The following FGFR3 variants were observed in gnomAD, a reference collection of about 807,000 sequenced individuals.
FGFR3 encodes fibroblast growth factor receptor 3.
In FGFR3, 25 loss-of-function variants were observed where a neutral mutation model predicts 82.9. The observed-to-expected ratio is 0.30, with a 90% CI of 0.22 to 0.42. The LOEUF is 0.42. Among genes scored for constraint, FGFR3 ranks in the 10% least tolerant of loss-of-function variants. The pLI, the probability that FGFR3 is intolerant of heterozygous loss-of-function variation, is 1.00. For missense variants in FGFR3, 1,026 were observed against 1,161.0 expected, an observed-to-expected ratio of 0.88 and a Z score of 1.69; for synonymous variants, 620 against 516.0, an observed-to-expected ratio of 1.20 and a Z score of -2.73.
At chr4:1,793,552 G>C (rs1050009535) in intron 1 of FGFR3, 87 bp downstream of exon 1, 13 of 149,774 alleles carry the variant, frequency 8.7e-5, no homozygotes, top group Admixed American at 6.6e-4. Flanking sequence ...GAACCACAGA[G>C]GTCCCTGCAG....
In FGFR3 at chr4:1,807,109, C is replaced by G. The variant is rs1263739923; in HGVS notation, c.2275-7C>G. 1.3e-6 allele frequency: 2 copies of G among 1,574,988 alleles called. No homozygotes were observed. The highest frequency in any genetic ancestry group is 2.3e-5 in the South Asian group (2 of 86,400). The stretch of plus-strand genomic sequence containing the variant: ...GGCACAGCGCTCACCCCGCCTCCCG[C>G]CAGCAGGAGTACCTGGACCTGTCGG... On this transcript the variant is annotated splice_polypyrimidine_tract_variant and splice_region_variant and intron_variant, in intron 17 of 17. Coordinates refer to ENST00000440486, the MANE Select transcript of FGFR3 (RefSeq NM_000142.5).
At position 1,799,565 on chromosome 4, in the gene FGFR3, G is replaced by A. The variant is rs1429817623; in HGVS notation, c.379+42G>A. The A allele has an allele frequency of 5.2e-6, 8 of 1,549,496 alleles. No homozygotes were observed. The African/African-American group carries it at 5.5e-5, about 11-fold the overall frequency. Reference sequence around the variant, plus strand: ...CGCCAGCTACAGAAAGGAGCCGAGTGCCGGGCTCCCTGAGTCCCTGCGTGG... The same window carrying A: ...CGCCAGCTACAGAAAGGAGCCGAGTACCGGGCTCCCTGAGTCCCTGCGTGG... On this transcript the variant is annotated intron_variant, in intron 3 of 17. Transcript: ENST00000440486.
chr4:1,804,480 C>T lies in FGFR3; in HGVS notation c.1226C>T (p.Pro409Leu), dbSNP rs1314341121. 3.1e-6 allele frequency: 5 copies of T among 1,613,144 alleles called. No individual in the cohort carries two copies. Among genetic ancestry groups the T allele is most frequent in the Non-Finnish European group, 3.4e-6 (4 of 1,179,938 alleles). ...RSPPKKGLGS[P>L]TVHKISRFPL... is the part of the protein sequence containing the mutation. ...CCCCCCAAGAAAGGCCTGGGCTCCC[C>T]CACCGTGCACAAGATCTCCCGCTTC... is the stretch of plus-strand genomic sequence containing the variant. Residue 409 changes from proline to leucine, a missense_variant, in exon 9 of 18, where the codon CCC (proline) becomes CTC (leucine). Pro to Leu is a moderately conservative substitution (Grantham distance 98, BLOSUM62 -3). Transcript: ENST00000440486.
chr4:1,798,150 C>G (rs1309469514), intron 2 of FGFR3, among the ~76,000 whole-genome samples: 1 of 152,072 alleles, frequency 6.6e-6, no homozygotes, highest in Non-Finnish European at 1.5e-5. Flanking sequence ...GCTTTGGTGG[C>G]TCTGGGGAGC....
intron 4 of FGFR3, 40 bp from the exon 5 acceptor site, chr4:1,801,327 C>G (rs901564865): frequency 3.9e-6 from 6 of 1,540,528 alleles, no homozygotes; most frequent in Non-Finnish European, 5.2e-6. Context: ...GCCTCTGCTC[C>G]CACTCGGGTC....
Position 1,806,179 on chromosome 4 carries a change from C to T in FGFR3, c.1959+6C>T, listed in dbSNP as rs1227316073. The T allele has an allele frequency of 4.3e-6, 7 of 1,612,634 alleles. No homozygotes were observed. The highest frequency in any genetic ancestry group is 1.6e-4 in the Middle Eastern group (1 of 6,062). On this transcript the variant is annotated splice_donor_region_variant and intron_variant, in intron 14 of 17. Coordinates refer to ENST00000440486, the MANE Select transcript of FGFR3 (RefSeq NM_000142.5). ...ACTACAAGAAGACGACCAACGTGAG[C>T]CCGGCCCTGGGGTGCGGGGGTGGGG...
Position 1,807,194 on chromosome 4 carries a change from G to T in FGFR3, c.2353G>T (p.Asp785Tyr), listed in dbSNP as rs768114770. The part of the protein sequence containing the change: ...QDTPSSSSSG[D>Y]DSVFAHDLLP... Reference sequence around the variant, plus strand: ...CACCCCCAGCTCCAGCTCCTCAGGGGACGACTCCGTGTTTGCCCACGACCT... The same window carrying T: ...CACCCCCAGCTCCAGCTCCTCAGGGTACGACTCCGTGTTTGCCCACGACCT... Residue 785 changes from aspartate to tyrosine, a missense_variant, in exon 18 of 18, where the codon GAC becomes TAC. Asp to Tyr is a radical substitution (Grantham distance 160). This residue lies in a region of FGFR3 where 155 missense variants were observed against 150.2 expected (regional missense o/e 1.03). Transcript: ENST00000440486. The T allele has an allele frequency of 2.5e-6, 4 of 1,607,712 alleles. No individual in the cohort carries two copies. The East Asian group carries it at 9.0e-5, about 36-fold the overall frequency.
At position 1,801,475 on chromosome 4, in the gene FGFR3, C is replaced by T; in HGVS notation, c.554C>T (p.Ser185Phe). The change falls in exon 5 of 18, where the codon TCC (serine) becomes TTC (phenylalanine). Residue 185 changes from serine to phenylalanine, a missense_variant. Physicochemically the swap from Ser to Phe is radical, Grantham distance 155. Transcript: ENST00000440486. ...RCPAAGNPTPSISWLKNGREF... is the reference protein window; with the variant it reads ...RCPAAGNPTPFISWLKNGREF... ...CCAGCCGCTGGCAACCCCACTCCCTCCATCTCCTGGCTGAAGAACGGCAGG... is the reference window on the plus strand; with the variant it reads ...CCAGCCGCTGGCAACCCCACTCCCTTCATCTCCTGGCTGAAGAACGGCAGG... 1 of 1,555,930 alleles carries T rather than the reference C, an allele frequency of 6.4e-7. No homozygotes were observed. The highest frequency in any genetic ancestry group is 8.7e-7 in the Non-Finnish European group (1 of 1,150,040).
intron 8 of FGFR3, 24 bp from the exon 9 acceptor site, chr4:1,804,306 G>A (rs202013904): frequency 1.9e-6 from 3 of 1,576,780 alleles, no homozygotes; most frequent in South Asian, 1.2e-5. Context: ...GCCAGGCCAG[G>A]CCTCAACGCC....
intron 7 of FGFR3, among the ~76,000 whole-genome samples, chr4:1,803,384 G>GCCTGTGTGTC (rs1721449423): frequency 6.6e-6 from 1 of 152,196 alleles, no homozygotes; most frequent in African/African-American, 2.4e-5. Flanking sequence ...CGCTTCCGCA[G>GCCTGTGTGTC]CCTGTGTGTC....
intron 4 of FGFR3, 138 bp downstream of exon 4, chr4:1,799,950 A>G: frequency 1.1e-6 from 1 of 904,846 alleles, no homozygotes; most frequent in Non-Finnish European, 1.7e-6. Flanking sequence ...TGGTCCCCTC[A>G]GGATACAGGA....
chr4:1,794,097 T>G (rs1183028034), intron 2 of FGFR3, 54 bp downstream of exon 2: 1 of 1,121,950 alleles, frequency 8.9e-7, no homozygotes, highest in East Asian at 3.3e-5. Context: ...GGCAGAGGCG[T>G]TGGGGACGGG....
chr4:1,793,869 G>T lies in FGFR3; in HGVS notation c.-66G>T. On this transcript the variant is annotated 5_prime_UTR_variant, in exon 2 of 18. Coordinates refer to ENST00000440486, the MANE Select transcript of FGFR3 (RefSeq NM_000142.5). ...GCGCCCGCCTCCCGCCGGTGCCCGCGCCGGGCCGTGGGGGGCAGCATGCCC... is the reference window on the plus strand; with the variant it reads ...GCGCCCGCCTCCCGCCGGTGCCCGCTCCGGGCCGTGGGGGGCAGCATGCCC... 1.9e-6 allele frequency: 1 copy of T among 528,682 alleles called. No individual in the cohort carries two copies. The allele number at this position is 528,682 out of a possible 1,614,324, so 32.7% of individuals were successfully genotyped here.
chr4:1,806,658 A>G lies in FGFR3; in HGVS notation c.2143A>G (p.Lys715Glu), dbSNP rs2108812456. The change falls in exon 16 of 18, where the codon AAG (lysine) becomes GAG (glutamate). Residue 715 changes from lysine (K) to glutamate (E), a missense_variant. This residue lies in a region of FGFR3 where 155 missense variants were observed against 150.2 expected (regional missense o/e 1.03). Coordinates refer to ENST00000440486, the MANE Select transcript of FGFR3 (RefSeq NM_000142.5). Reference sequence around the variant, plus strand: ...GCTGAAGGAGGGCCACCGCATGGACAAGCCCGCCAACTGCACACACGACCT... The same window carrying G: ...GCTGAAGGAGGGCCACCGCATGGACGAGCCCGCCAACTGCACACACGACCT... Reference protein sequence around the residue: ...KLLKEGHRMDKPANCTHDLYM... With the variant: ...KLLKEGHRMDEPANCTHDLYM... 1.2e-6 allele frequency: 2 copies of G among 1,612,812 alleles called. No homozygotes were observed. The highest frequency in any genetic ancestry group is 1.7e-6 in the Non-Finnish European group (2 of 1,179,910).
At chr4:1,802,136 G>T (rs1721272928) in intron 7 of FGFR3, 111 bp downstream of exon 7, 2 of 1,188,316 alleles carry the variant, frequency 1.7e-6, no homozygotes, top group Non-Finnish European at 1.2e-6. Flanking sequence ...TTGGAGCTTC[G>T]GGGGCAGAAG....
rs768644781 is a variant in FGFR3, at chr4:1,807,228, C to G, written c.2387C>G (p.Pro796Arg). Residue 796 changes from proline to arginine, a missense_variant, in exon 18 of 18, where the codon CCG (proline) becomes CGG (arginine). By Grantham distance (103) the Pro-to-Arg change is moderately radical (BLOSUM62 -2). Around this residue, in one of 9 missense-constraint regions of FGFR3, gnomAD observed 155 missense variants for 150.2 expected, o/e 1.03. Transcript: ENST00000440486. ...GTGTTTGCCCACGACCTGCTGCCCC[C>G]GGCCCCACCCAGCAGTGGGGGCTCG... ...DSVFAHDLLPPAPPSSGGSRT is the reference protein window; with the variant it reads ...DSVFAHDLLPRAPPSSGGSRT 3.1e-6 allele frequency: 5 copies of G among 1,607,664 alleles called. No homozygotes were observed. The highest frequency in any genetic ancestry group is 4.2e-6 in the Non-Finnish European group (5 of 1,178,220).
rs561201164 is a variant in FGFR3 at position 1,807,025 on chromosome 4, G to A, written c.2274+91G>A. The A allele has an allele frequency of 5.2e-6, 8 of 1,551,410 alleles. No individual in the cohort carries two copies. The South Asian group carries it at 7.1e-5, about 14-fold the overall frequency. The stretch of plus-strand genomic sequence containing the variant: ...TGCCCCCCAGAGTGCTGAGGTGTGG[G>A]GCGGGCCTTCTGGGGCACAGCCTGG... On this transcript the variant is annotated intron_variant, in intron 17 of 17. Transcript: ENST00000440486.
chr4:1,803,123 C>A, intron 7 of FGFR3: 1 of 1,463,810 alleles, frequency 6.8e-7, no homozygotes, highest in Non-Finnish European at 9.0e-7. Flanking sequence ...GCCCTGGCCG[C>A]GCGCCCTGCA....
At chr4:1,798,619 G>A (rs992431231) in intron 2 of FGFR3, among the ~76,000 whole-genome samples, 1 of 151,328 alleles carries the variant, frequency 6.6e-6, no homozygotes, top group Non-Finnish European at 1.5e-5. Context: ...CGTCCACACG[G>A]CCACGTGACC....
Sources: gnomAD v4.1 joint callset for allele counts (sites outside exome capture counted in the v4.1 genomes callset) on GRCh38, gnomAD v4.1.1 for gene constraint, gnomAD v4.1.1 regional missense constraint, MANE v1.5 for transcripts, NCBI Gene and HGNC (gene_info 2026-07-23, HGNC 2026-07-21) for gene names.